MTARC1: variants seen among roughly 807,000 people sequenced by gnomAD.
MTARC1 encodes the protein mitochondrial amidoxime-reducing component 1.
MTARC1 carries 24 observed loss-of-function variants against 33.6 expected under a neutral mutation model. That is an observed-to-expected ratio of 0.72 (90% CI 0.52 to 1.01). The LOEUF is 1.01. Among genes scored for constraint, MTARC1 ranks in the 50% least tolerant of loss-of-function variants. MTARC1 has a pLI of 0.00. For missense variants in MTARC1, 417 were observed against 445.7 expected (o/e 0.94, Z 0.58); for synonymous variants, 187 against 189.5 (o/e 0.99, Z 0.11).
chr1:220,801,573 G>C (rs1046215098), intron 4 of MTARC1, among the ~76,000 whole-genome samples: 5 of 152,184 alleles, frequency 3.3e-5, no homozygotes, highest in African/African-American at 9.7e-5. Context: ...TACATACACA[G>C]GGCTATGAAG....
At chr1:220,797,670 T>C (rs1294454097) in intron 3 of MTARC1, 2 of 571,690 alleles carry the variant, frequency 3.5e-6, no homozygotes, top group African/African-American at 3.7e-5. Context: ...GTTCCCTTCA[T>C]TCCACCATGC....
intron 6 of MTARC1, among the ~76,000 whole-genome samples, chr1:220,808,069 T>C (rs533222426): frequency 2.6e-5 from 4 of 152,222 alleles, no homozygotes; most frequent in Non-Finnish European, 5.9e-5. Context: ...CATCCTTTTT[T>C]GTCCATCTTG....
At position 220,801,418 on chromosome 1, in the gene MTARC1, A is replaced by G. The variant is rs199868388; in HGVS notation, c.753+3404A>G. 3.9e-5 allele frequency among the ~76,000 whole-genome samples: 6 copies of G among 152,114 alleles called. No individual in the cohort carries two copies. The East Asian group carries it at 5.8e-4, about 15-fold the overall frequency. ...TATCAGTGTATTGTCTGTTTCCCCTATGCAAGCTCCTTGAGGACAGGGGCT... is the reference window on the plus strand; with the variant it reads ...TATCAGTGTATTGTCTGTTTCCCCTGTGCAAGCTCCTTGAGGACAGGGGCT... On this transcript the variant is annotated intron_variant, in intron 4 of 6. Coordinates refer to ENST00000366910, the MANE Select transcript of MTARC1 (RefSeq NM_022746.4).
At chr1:220,807,615 A>G (rs1673009953) in intron 6 of MTARC1, among the ~76,000 whole-genome samples, 1 of 152,134 alleles carries the variant, frequency 6.6e-6, no homozygotes, top group Non-Finnish European at 1.5e-5. Context: ...AAAAACAAAT[A>G]TATATAGTCA....
At position 220,808,789 on chromosome 1, in the gene MTARC1, G is replaced by A. The variant is rs757518854; in HGVS notation, c.887+3515G>A. 3.2e-5 allele frequency: 15 copies of A among 470,562 alleles called. No individual in the cohort carries two copies. In the East Asian group the frequency reaches 6.3e-4, roughly 20 times the overall value. The allele number at this position is 470,562 out of a possible 1,614,324, so 29.1% of individuals were successfully genotyped here. A position where few individuals can be genotyped will look rare whatever the true frequency, so the allele number is the denominator to read the frequency against. ...CCTTTGTCTGTAAAATGCTCACAGC[G>A]GGAGGCACAGTGGAGGCATGTCTGC... On this transcript the variant is annotated intron_variant, in intron 6 of 6. Coordinates refer to ENST00000366910, the MANE Select transcript of MTARC1 (RefSeq NM_022746.4).
At chr1:220,799,621 C>T (rs1039969433) in intron 4 of MTARC1, among the ~76,000 whole-genome samples, 1 of 152,190 alleles carries the variant, frequency 6.6e-6, no homozygotes, top group African/African-American at 2.4e-5. Context: ...TCCTATCTTA[C>T]AGGAGAGAAG....
Position 220,791,497 on chromosome 1 carries a change from G to T in MTARC1, c.282G>T (p.Trp94Cys). 6.2e-7 allele frequency: 1 copy of T among 1,613,896 alleles called. No individual in the cohort carries two copies. The highest frequency in any genetic ancestry group is 8.5e-7 in the Non-Finnish European group (1 of 1,179,914). ...LRSGNLRDRFWLVINQEGNMV... is the reference protein window; with the variant it reads ...LRSGNLRDRFCLVINQEGNMV... ...TGTGTTTTGAAAACGGCAGGTTTTGGCTTGTGATCAACCAGGAGGGAAACA... is the reference window on the plus strand; with the variant it reads ...TGTGTTTTGAAAACGGCAGGTTTTGTCTTGTGATCAACCAGGAGGGAAACA... The change falls in exon 2 of 7, where the codon TGG becomes TGT. Residue 94 changes from tryptophan (W) to cysteine (C), a missense_variant. Trp to Cys is a radical substitution (Grantham distance 215). Transcript: ENST00000366910.
At chr1:220,788,811 A>T (rs942499515) in intron 1 of MTARC1, among the ~76,000 whole-genome samples, 1 of 151,052 alleles carries the variant, frequency 6.6e-6, no homozygotes, top group African/African-American at 2.4e-5. Flanking sequence ...AAAAAAAAAA[A>T]TCCATGTTTC....
Position 220,786,957 on chromosome 1 carries a change from G to A in MTARC1, c.13G>A (p.Gly5Ser). The A allele has an allele frequency of 3.2e-6, 4 of 1,242,492 alleles. No homozygotes were observed. The highest frequency in any genetic ancestry group is 4.0e-6 in the Non-Finnish European group (4 of 995,710). 77.0% of individuals were successfully genotyped at this position (1,242,492 alleles called of 1,614,324 possible). A position where few individuals can be genotyped will look rare whatever the true frequency, so the allele number is the denominator to read the frequency against. ...GGAGAAGCCAGCCATGGGCGCCGCCGGCTCCTCCGCGCTGGCGCGCTTTGT... is the reference window on the plus strand; with the variant it reads ...GGAGAAGCCAGCCATGGGCGCCGCCAGCTCCTCCGCGCTGGCGCGCTTTGT... MGAA[G>S]SSALARFVLL... The change falls in exon 1 of 7, where the codon GGC (glycine) becomes AGC (serine). Residue 5 changes from glycine to serine, a missense_variant. By Grantham distance (56) the Gly-to-Ser change is moderately conservative. Coordinates refer to ENST00000366910, the MANE Select transcript of MTARC1 (RefSeq NM_022746.4).
intron 4 of MTARC1, chr1:220,798,495 C>T: frequency 1.0e-6 from 1 of 985,438 alleles, no homozygotes; most frequent in East Asian, 1.1e-4. Context: ...CTTGCAGTGC[C>T]ACCTTCCATC....
chr1:220,788,260 G>A (rs963976233), intron 1 of MTARC1, among the ~76,000 whole-genome samples: 1 of 152,156 alleles, frequency 6.6e-6, no homozygotes, highest in Non-Finnish European at 1.5e-5. Context: ...CCCGGGAGCC[G>A]GCAGCTTTGT....
At chr1:220,794,718 A>T (rs1672548354) in intron 2 of MTARC1, among the ~76,000 whole-genome samples, 1 of 152,156 alleles carries the variant, frequency 6.6e-6, no homozygotes, top group Non-Finnish European at 1.5e-5. Flanking sequence ...ATCTTGATCC[A>T]GAAAAGAGTA....
intron 4 of MTARC1, among the ~76,000 whole-genome samples, chr1:220,802,841 T>C (rs1672857275): frequency 6.6e-6 from 1 of 152,212 alleles, no homozygotes; most frequent in Admixed American, 6.5e-5. Context: ...TGCTCCCTCC[T>C]GAATGTTGCC....
chr1:220,803,947 G>A (rs769016545), intron 4 of MTARC1, among the ~76,000 whole-genome samples: 1 of 152,088 alleles, frequency 6.6e-6, no homozygotes, highest in Admixed American at 6.5e-5. Context: ...CAAAACCCCT[G>A]TGTCATATAT....
rs1673239120 is a variant in MTARC1 at position 220,814,732 on chromosome 1, C to T, written c.*1314C>T. The T allele has an allele frequency of 6.6e-6, 1 of 151,860 alleles. No homozygotes were observed. The highest frequency in any genetic ancestry group is 2.4e-5 in the African/African-American group (1 of 41,308). The allele number at this position is 151,860 out of a possible 1,614,324, so 9.4% of individuals were successfully genotyped here. A position where few individuals can be genotyped will look rare whatever the true frequency, so the allele number is the denominator to read the frequency against. On this transcript the variant is annotated 3_prime_UTR_variant, in exon 7 of 7. Transcript: ENST00000366910. ...CTCCAGCCTGAGTGATAGAGTGAGA[C>T]CCTATCTCTAAAAAAGAAACAGGAA...
At chr1:220,803,232 C>T (rs569554270) in intron 4 of MTARC1, among the ~76,000 whole-genome samples, 4 of 152,190 alleles carry the variant, frequency 2.6e-5, no homozygotes, top group South Asian at 4.1e-4. Flanking sequence ...AGGGGAACTG[C>T]CCTTTATAAA....
intron 4 of MTARC1, 38 bp from the exon 5 acceptor site, chr1:220,805,014 C>T: frequency 6.2e-7 from 1 of 1,611,638 alleles, no homozygotes; most frequent in Non-Finnish European, 8.5e-7. Flanking sequence ...GGGGCAGGGC[C>T]CAGAGATGCT....
chr1:220,793,806 A>G (rs1672513202), intron 2 of MTARC1: 1 of 152,224 alleles, frequency 6.6e-6, no homozygotes, highest in Non-Finnish European at 1.5e-5. Context: ...AGCATTTGGA[A>G]TTTTATTTTA....
intron 4 of MTARC1, chr1:220,798,622 A>G: frequency 1.0e-6 from 1 of 966,766 alleles, no homozygotes; most frequent in Non-Finnish European, 1.2e-6. Flanking sequence ...TTGGCTATTT[A>G]ACTTGATTCT....
Sources: allele counts gnomAD v4.1 joint callset (sites outside exome capture counted in the v4.1 genomes callset), GRCh38; gene constraint gnomAD v4.1.1; transcripts MANE v1.5; gene names NCBI Gene and HGNC (gene_info 2026-07-23, HGNC 2026-07-21).